THADA: variants seen among roughly 807,000 people sequenced by gnomAD.
The protein encoded by THADA is THADA armadillo repeat containing.
In THADA, 213 loss-of-function variants were observed where a neutral mutation model predicts 219.8. That is an observed-to-expected ratio of 0.97 (90% CI 0.87 to 1.09). THADA has a LOEUF of 1.09. THADA is among the 50% of genes least tolerant of loss of function. The pLI, the probability that THADA is intolerant of heterozygous loss-of-function variation, is 0.00. For synonymous variants in THADA, 1,018 were observed against 828.9 expected (o/e 1.23, Z -3.92); for missense variants, 2,956 against 2,311.3 (o/e 1.28, Z -5.72).
At chr2:43,501,665 C>T (rs1688994329) in intron 24 of THADA, among the ~76,000 whole-genome samples, 1 of 152,098 alleles carries the variant, frequency 6.6e-6, no homozygotes, top group Admixed American at 6.5e-5. Flanking sequence ...GGTTTTAGGC[C>T]AGGTGTGGTG....
At chr2:43,423,607 T>C (rs1293148259) in intron 28 of THADA, among the ~76,000 whole-genome samples, 2 of 152,064 alleles carry the variant, frequency 1.3e-5, no homozygotes, top group Non-Finnish European at 2.9e-5. Context: ...TAATTTTTTG[T>C]ATTTTTGGTA....
At chr2:43,364,629 G>T (rs1030402714) in intron 29 of THADA, among the ~76,000 whole-genome samples, 10 of 152,242 alleles carry the variant, frequency 6.6e-5, no homozygotes, top group African/African-American at 2.4e-4. Flanking sequence ...ACTTTTGGGA[G>T]ATGACAGTTA....
At chr2:43,328,627 T>C (rs749370750) in intron 30 of THADA, among the ~76,000 whole-genome samples, 32 of 152,224 alleles carry the variant, frequency 2.1e-4, no homozygotes, top group Non-Finnish European at 2.1e-4. Context: ...CAGCTATGCA[T>C]TGCAGAGCAC....
chr2:43,448,564 T>C (rs1047921650), intron 26 of THADA, among the ~76,000 whole-genome samples: 5 of 149,544 alleles, frequency 3.3e-5, no homozygotes, highest in African/African-American at 7.4e-5. Flanking sequence ...TCCTTTCTTT[T>C]TTTTTTTTTT....
At chr2:43,403,327 G>A (rs894156756) in intron 28 of THADA, among the ~76,000 whole-genome samples, 1 of 152,212 alleles carries the variant, frequency 6.6e-6, no homozygotes, top group African/African-American at 2.4e-5. Context: ...AGACCGTGAA[G>A]CAGAACAACG....
chr2:43,564,816 C>A (rs896917985), intron 15 of THADA: 2 of 152,180 alleles, frequency 1.3e-5, no homozygotes, highest in African/African-American at 4.8e-5. Context: ...TGAATCAAAT[C>A]ATCAGGAAAC....
At chr2:43,447,100 G>A (rs1306587815) in intron 26 of THADA, among the ~76,000 whole-genome samples, 1 of 152,154 alleles carries the variant, frequency 6.6e-6, no homozygotes, top group Non-Finnish European at 1.5e-5. Flanking sequence ...TTACAATCAT[G>A]GTGGAAGACA....
rs185008666 is a variant in THADA, at chr2:43,520,460, G to A, written c.3374+7419C>T. ...CCCAACACTTTGGGAAGCCAAGGCCGGAGGATCTCTTGATCTCAGGAGTTG... is the reference window on the plus strand; with the variant it reads ...CCCAACACTTTGGGAAGCCAAGGCCAGAGGATCTCTTGATCTCAGGAGTTG... On this transcript the variant is annotated intron_variant, in intron 22 of 37. Coordinates refer to ENST00000405975, the MANE Select transcript of THADA (RefSeq NM_022065.5). Among the ~76,000 whole-genome samples the A allele has an allele frequency of 5.3e-5, 8 of 152,216 alleles. No individual in the cohort carries two copies. The East Asian group carries it at 9.6e-4, about 18-fold the overall frequency.
At chr2:43,553,167 T>C (rs1409559559) in intron 17 of THADA, among the ~76,000 whole-genome samples, 1 of 152,210 alleles carries the variant, frequency 6.6e-6, no homozygotes, top group Non-Finnish European at 1.5e-5. Context: ...CAGACGTAGA[T>C]TGTTCCCACT....
intron 28 of THADA, among the ~76,000 whole-genome samples, chr2:43,420,163 C>T (rs1677515932): frequency 6.6e-6 from 1 of 152,174 alleles, no homozygotes; most frequent in Non-Finnish European, 1.5e-5. Flanking sequence ...TTTCTTCCTG[C>T]CTTGCTATTT....
intron 31 of THADA, among the ~76,000 whole-genome samples, chr2:43,311,655 T>A (rs1288170964): frequency 6.6e-6 from 1 of 152,236 alleles, no homozygotes; most frequent in Non-Finnish European, 1.5e-5. Flanking sequence ...CAAAATGTGA[T>A]ATCTATATAC....
At chr2:43,537,871 T>C (rs12019156) in intron 21 of THADA, among the ~76,000 whole-genome samples, 3,177 of 151,186 alleles carry the variant, frequency 0.021, 71 homozygotes, top group Admixed American at 0.077. Flanking sequence ...GCCCAGGAGG[T>C]TGAGGCTGAA....
chr2:43,573,663 C>A (rs994161804), intron 11 of THADA, among the ~76,000 whole-genome samples: 1 of 152,116 alleles, frequency 6.6e-6, no homozygotes, highest in Non-Finnish European at 1.5e-5. Flanking sequence ...AAGTACTGAA[C>A]GTTTTTAACA....
At chr2:43,334,808 C>T (rs534133742) in intron 30 of THADA, among the ~76,000 whole-genome samples, 8 of 152,252 alleles carry the variant, frequency 5.3e-5, no homozygotes, top group African/African-American at 1.7e-4. Flanking sequence ...AACACTGGTC[C>T]CATACAGGGC....
chr2:43,582,206 C>T (rs1374732658), intron 7 of THADA, among the ~76,000 whole-genome samples: 1 of 152,080 alleles, frequency 6.6e-6, no homozygotes, highest in East Asian at 1.9e-4. Flanking sequence ...GAATGAATGA[C>T]AGAACTCAGT....
intron 36 of THADA, among the ~76,000 whole-genome samples, chr2:43,276,958 T>C (rs1218900826): frequency 9.9e-5 from 15 of 152,250 alleles, no homozygotes; most frequent in African/African-American, 3.6e-4. Flanking sequence ...GCAGTCCCCA[T>C]GTTGAGATTA....
chr2:43,283,090 G>A (rs1250589288), intron 35 of THADA, among the ~76,000 whole-genome samples: 1 of 152,186 alleles, frequency 6.6e-6, no homozygotes, highest in African/African-American at 2.4e-5. Context: ...TGGTTTAAAA[G>A]TGTGTGGCAC....
At chr2:43,313,089 C>T (rs1677693148) in intron 31 of THADA, among the ~76,000 whole-genome samples, 1 of 152,128 alleles carries the variant, frequency 6.6e-6, no homozygotes, top group Non-Finnish European at 1.5e-5. Context: ...AATCACTGAC[C>T]TATTTATTCA....
intron 36 of THADA, among the ~76,000 whole-genome samples, chr2:43,241,724 C>T (rs544809289): frequency 1.2e-4 from 18 of 152,128 alleles, no homozygotes; most frequent in East Asian, 3.9e-4. Flanking sequence ...GCGGTGGCCA[C>T]GCCTACAGAA....
Sources: allele counts gnomAD v4.1 joint callset (sites outside exome capture counted in the v4.1 genomes callset), GRCh38; gene constraint gnomAD v4.1.1; transcripts MANE v1.5; gene names NCBI Gene and HGNC (gene_info 2026-07-23, HGNC 2026-07-21).